The following KCNIP4 variants were observed in gnomAD, a reference collection of about 807,000 sequenced individuals.
The protein encoded by KCNIP4 is Kv channel-interacting protein 4.
KCNIP4 carries 12 observed loss-of-function variants against 34.0 expected under a neutral mutation model. The ratio of observed to expected loss-of-function variants is 0.35; its 90% CI spans 0.23 to 0.57. The LOEUF is 0.57. Among genes scored for constraint, KCNIP4 ranks in the 20% least tolerant of loss-of-function variants. KCNIP4 has a pLI of 0.83. For missense variants in KCNIP4, 238 were observed against 311.7 expected, an observed-to-expected ratio of 0.76 and a Z score of 1.78; for synonymous variants, 124 against 102.2, an observed-to-expected ratio of 1.21 and a Z score of -1.29.
At chr4:21,937,772 ACT>A (rs2109015918) in intron 1 of KCNIP4, among the ~76,000 whole-genome samples, 1 of 151,508 alleles carries the variant, frequency 6.6e-6, no homozygotes, top group East Asian at 1.9e-4. Flanking sequence ...TCTGATGTGT[ACT>A]CTCTGCCTTC....
chr4:21,583,905 T>C (rs1741420500), intron 1 of KCNIP4, among the ~76,000 whole-genome samples: 1 of 152,058 alleles, frequency 6.6e-6, no homozygotes, highest in Non-Finnish European at 1.5e-5. Flanking sequence ...TTTTTGTGTG[T>C]GGTAAAATTT....
intron 1 of KCNIP4, among the ~76,000 whole-genome samples, chr4:21,778,313 C>A (rs1250501198): frequency 1.4e-5 from 2 of 141,978 alleles, no homozygotes; most frequent in Non-Finnish European, 3.0e-5. Context: ...TGGCTCACTG[C>A]AGCTTCAACC....
intron 1 of KCNIP4, among the ~76,000 whole-genome samples, chr4:21,630,112 C>T (rs532248385): frequency 4.0e-5 from 6 of 150,984 alleles, no homozygotes; most frequent in South Asian, 2.1e-4. Context: ...GATCCTTCCA[C>T]CTTGGCCTCC....
At chr4:20,817,365 G>GT (rs1716537047) in intron 3 of KCNIP4, among the ~76,000 whole-genome samples, 1 of 152,092 alleles carries the variant, frequency 6.6e-6, no homozygotes, top group Non-Finnish European at 1.5e-5. Flanking sequence ...TCAGTTGCTG[G>GT]TTGGCCCTTC....
chr4:21,604,670 A>G (rs1291679661), intron 1 of KCNIP4, among the ~76,000 whole-genome samples: 1 of 152,200 alleles, frequency 6.6e-6, no homozygotes, highest in African/African-American at 2.4e-5. Flanking sequence ...ATTTAAGATA[A>G]AGCCAACTTT....
intron 1 of KCNIP4, among the ~76,000 whole-genome samples, chr4:20,948,785 A>G (rs574808591): frequency 1.4e-4 from 22 of 152,336 alleles, no homozygotes; most frequent in Non-Finnish European, 2.9e-4. Flanking sequence ...TAAAAAAATG[A>G]TAATGGTCCT....
intron 1 of KCNIP4, among the ~76,000 whole-genome samples, chr4:21,534,027 G>C (rs1049200351): frequency 1.3e-5 from 2 of 152,150 alleles, no homozygotes; most frequent in Non-Finnish European, 2.9e-5. Flanking sequence ...TACTGTATTT[G>C]AATTACGGCT....
chr4:21,158,370 T>C (rs1205609912), intron 1 of KCNIP4, among the ~76,000 whole-genome samples: 2 of 152,072 alleles, frequency 1.3e-5, no homozygotes, highest in African/African-American at 2.4e-5. Flanking sequence ...TACAGAGTAA[T>C]ATCTCTGATG....
At position 21,150,281 on chromosome 4, in the gene KCNIP4, A is replaced by C. The variant is rs910468175; in HGVS notation, c.62-267572T>G. ...CTGATTTAAGGATAATGGGAGTGTT[A>C]ATGAGGGTAATGCTTGGCTCCATTT... On this transcript the variant is annotated intron_variant, in intron 1 of 8. Transcript: ENST00000382152. Among the ~76,000 whole-genome samples, 14 of 151,548 alleles carry C rather than the reference A, an allele frequency of 9.2e-5. 1 individual carries two copies. The highest frequency in any genetic ancestry group is 3.4e-4 in the African/African-American group (14 of 40,826).
At position 20,995,793 on chromosome 4, in the gene KCNIP4, T is replaced by A. The variant is rs111659998; in HGVS notation, c.62-113084A>T. ...TCACTGCATTTGTGCAAAAAAATGT[T>A]GACACCGGTTATGTACCATGCAAAA... On this transcript the variant is annotated intron_variant, in intron 1 of 8. Coordinates refer to ENST00000382152, the MANE Select transcript of KCNIP4 (RefSeq NM_025221.6). 2.0e-5 allele frequency among the ~76,000 whole-genome samples: 3 copies of A among 152,300 alleles called. 1 individual carries two copies. The highest frequency in any genetic ancestry group is 7.2e-5 in the African/African-American group (3 of 41,568).
At chr4:21,257,468 C>T (rs999261303) in intron 1 of KCNIP4, among the ~76,000 whole-genome samples, 13 of 152,110 alleles carry the variant, frequency 8.5e-5, no homozygotes, top group Non-Finnish European at 5.9e-5. Context: ...CTCTAGGCTG[C>T]GGGGCGTGGT....
At chr4:21,555,889 G>C (rs1456034700) in intron 1 of KCNIP4, among the ~76,000 whole-genome samples, 1 of 152,060 alleles carries the variant, frequency 6.6e-6, no homozygotes, top group African/African-American at 2.4e-5. Context: ...GGTCCAGTTT[G>C]CTGGTCCATC....
intron 1 of KCNIP4, among the ~76,000 whole-genome samples, chr4:21,605,486 C>T (rs1038595547): frequency 3.9e-5 from 6 of 152,018 alleles, no homozygotes; most frequent in Admixed American, 2.0e-4. Context: ...TTCCTTTTTA[C>T]AATTTTTTTT....
At chr4:20,758,698 TG>T in intron 4 of KCNIP4, 122 bp downstream of exon 4, 1 of 738,406 alleles carries the variant, frequency 1.4e-6, no homozygotes, top group South Asian at 1.8e-5. Flanking sequence ...ACTTGCATGC[TG>T]TGCATTAATT....
intron 1 of KCNIP4, among the ~76,000 whole-genome samples, chr4:20,979,189 A>G (rs984559293): frequency 6.6e-6 from 1 of 152,078 alleles, no homozygotes; most frequent in East Asian, 1.9e-4. Flanking sequence ...AAAGCCAAAC[A>G]AAGTTGCTCT....
chr4:21,710,635 G>A (rs1278446926), intron 1 of KCNIP4, among the ~76,000 whole-genome samples: 1 of 152,160 alleles, frequency 6.6e-6, no homozygotes, highest in Non-Finnish European at 1.5e-5. Flanking sequence ...CATGTGCCTG[G>A]AAGAGGAGGC....
intron 1 of KCNIP4, among the ~76,000 whole-genome samples, chr4:21,124,258 A>T (rs1363339957): frequency 6.6e-6 from 1 of 152,182 alleles, no homozygotes; most frequent in African/African-American, 2.4e-5. Context: ...GAAAAAGGCA[A>T]ATCATGTATT....
chr4:21,463,369 T>C (rs1279093538), intron 1 of KCNIP4, among the ~76,000 whole-genome samples: 1 of 152,090 alleles, frequency 6.6e-6, no homozygotes, highest in Non-Finnish European at 1.5e-5. Context: ...AGATTATTTG[T>C]GTTTTTGTGA....
At position 20,749,722 on chromosome 4, in the gene KCNIP4, T is replaced by C. The variant is rs749012604; in HGVS notation, c.369A>G (p.Thr123=). 2 of 1,606,172 alleles carry C rather than the reference T, an allele frequency of 1.2e-6. No homozygotes were observed. Among genetic ancestry groups the C allele is most frequent in the Admixed American group, 1.7e-5 (1 of 59,868 alleles). The stretch of plus-strand genomic sequence containing the variant: ...ATGCATTGAACAGAAAATGTGCATA[T>C]GTTGTAGAGTCTGAAATGGTAAAAA... ...SQFFPQGDST[T]YAHFLFNAFD... The change falls in exon 5 of 9, where the codon ACA becomes ACG. Residue 123 remains threonine, a synonymous_variant. Coordinates refer to ENST00000382152, the MANE Select transcript of KCNIP4 (RefSeq NM_025221.6).
Sources: gnomAD v4.1 joint callset for allele counts (sites outside exome capture counted in the v4.1 genomes callset) on GRCh38, gnomAD v4.1.1 for gene constraint, MANE v1.5 for transcripts, NCBI Gene and HGNC (gene_info 2026-07-23, HGNC 2026-07-21) for gene names.